Variants in GPHN observed in about 807,000 individuals in gnomAD.
The protein encoded by GPHN is gephyrin.
A neutral mutation model predicts 95.5 loss-of-function variants in GPHN; 17 were observed. The observed-to-expected ratio is 0.18, with a 90% confidence interval of 0.12 to 0.27. The LOEUF (loss-of-function observed/expected upper bound fraction) is 0.27, where lower values mean the gene tolerates loss of function less well. GPHN is among the 10% of genes least tolerant of loss of function. GPHN has a pLI of 1.00. For synonymous variants in GPHN, 320 were observed against 322.5 expected (o/e 0.99, Z 0.08); for missense variants, 660 against 978.1 (o/e 0.67, Z 4.34).
chr14:67,292,602 T>G, the GPHN span: 3 of 1,613,560 alleles, frequency 1.9e-6, no homozygotes, highest in African/African-American at 4.0e-5. Context: ...TTTTACAACT[T>G]GTTCAAAATA....
chr14:66,616,129 C>G (rs1261577777), intron 1 of GPHN, among the ~76,000 whole-genome samples: 3 of 151,254 alleles, frequency 2.0e-5, no homozygotes, highest in South Asian at 4.2e-4. Context: ...AGCTTGAACT[C>G]AAGTAGTATG....
chr14:67,063,431 A>G (rs1221211018), intron 11 of GPHN, among the ~76,000 whole-genome samples: 1 of 152,144 alleles, frequency 6.6e-6, no homozygotes, highest in Non-Finnish European at 1.5e-5. Context: ...TTTTGGTTCC[A>G]TGTGAGCTTT....
chr14:67,222,806 A>C, the GPHN span, among the ~76,000 whole-genome samples: 4 of 152,172 alleles, frequency 2.6e-5, no homozygotes, highest in Non-Finnish European at 5.9e-5. Flanking sequence ...AGTCATGCAC[A>C]TAAAAGAACA....
At chr14:66,546,036 T>C (rs539608997) in intron 1 of GPHN, among the ~76,000 whole-genome samples, 7 of 142,620 alleles carry the variant, frequency 4.9e-5, no homozygotes, top group Non-Finnish European at 9.1e-5. Context: ...GCAGAGACGC[T>C]CCTCACCTCC....
At position 66,658,443 on chromosome 14, in the gene GPHN, C is replaced by T. The variant is rs540241976; in HGVS notation, c.65-22664C>T. On this transcript the variant is annotated intron_variant, in intron 1 of 22. Coordinates refer to ENST00000478722, the MANE Select transcript of GPHN (RefSeq NM_020806.5). ...TGAAAAAAATTCTGTGAATAAAATG[C>T]TATTAAATAGCATTACATGGTACAG... 7.9e-5 allele frequency among the ~76,000 whole-genome samples: 12 copies of T among 152,156 alleles called. No individual in the cohort carries two copies. The East Asian group carries it at 2.3e-3, about 29-fold the overall frequency.
the GPHN span, chr14:67,581,797 C>T: frequency 2.5e-6 from 1 of 396,624 alleles, no homozygotes; most frequent in Admixed American, 4.0e-5. Context: ...ATCTATAACT[C>T]CAGGTACCAG....
chr14:67,707,640 G>C, the GPHN span, among the ~76,000 whole-genome samples: 1 of 152,136 alleles, frequency 6.6e-6, no homozygotes, highest in Non-Finnish European at 1.5e-5. Flanking sequence ...TGTTGGCCAG[G>C]CTGGTAAGAA....
the GPHN span, among the ~76,000 whole-genome samples, chr14:67,210,033 G>A: frequency 6.6e-6 from 1 of 152,224 alleles, no homozygotes; most frequent in African/African-American, 2.4e-5. Context: ...TTCATTAGGT[G>A]TCAACAACAC....
intron 1 of GPHN, among the ~76,000 whole-genome samples, chr14:66,533,920 T>G (rs2059035079): frequency 6.6e-6 from 1 of 152,214 alleles, no homozygotes; most frequent in Non-Finnish European, 1.5e-5. Context: ...AAGGATTATC[T>G]ATACTAACAC....
chr14:67,661,783 C>G, the GPHN span, among the ~76,000 whole-genome samples: 2 of 152,112 alleles, frequency 1.3e-5, no homozygotes, highest in Admixed American at 6.6e-5. Flanking sequence ...ATCCTCCCAC[C>G]TTGGCATCTC....
chr14:66,799,693 T>A (rs2060275800), intron 3 of GPHN, among the ~76,000 whole-genome samples: 1 of 151,988 alleles, frequency 6.6e-6, no homozygotes. Context: ...TTTCAGTCTA[T>A]GGTGTCTTTG....
At chr14:66,949,334 A>G (rs1371140729) in intron 8 of GPHN, among the ~76,000 whole-genome samples, 1 of 152,116 alleles carries the variant, frequency 6.6e-6, no homozygotes, top group Non-Finnish European at 1.5e-5. Context: ...TCCTGACCTC[A>G]TGATCTGCCT....
At chr14:66,574,684 G>A (rs74636882) in intron 1 of GPHN, among the ~76,000 whole-genome samples, 2,751 of 152,262 alleles carry the variant, frequency 0.018, 77 homozygotes, top group African/African-American at 0.062. Context: ...GAGAAGATTT[G>A]TTTGTGTGTC....
At chr14:66,583,679 A>C (rs561604935) in intron 1 of GPHN, among the ~76,000 whole-genome samples, 1 of 152,250 alleles carries the variant, frequency 6.6e-6, no homozygotes, top group African/African-American at 2.4e-5. Flanking sequence ...CAGGTTTGTC[A>C]AAGATCAGAT....
Position 66,714,599 on chromosome 14 carries a change from T to C in GPHN, c.143+33414T>C, listed in dbSNP as rs925263086. On this transcript the variant is annotated intron_variant, in intron 2 of 22. Coordinates refer to ENST00000478722, the MANE Select transcript of GPHN (RefSeq NM_020806.5). Reference sequence around the variant, plus strand: ...TTCAACTTTTCCCCATTCAGTGTTATGTCGGCTGTGGGTTTGTCATAGATG... The same window carrying C: ...TTCAACTTTTCCCCATTCAGTGTTACGTCGGCTGTGGGTTTGTCATAGATG... Among the ~76,000 whole-genome samples, 5 of 152,252 alleles carry C rather than the reference T, an allele frequency of 3.3e-5. No homozygotes were observed. The East Asian group carries it at 7.7e-4, about 23-fold the overall frequency.
At chr14:66,614,108 G>A (rs72726407) in intron 1 of GPHN, among the ~76,000 whole-genome samples, 8,828 of 152,192 alleles carry the variant, frequency 0.058, 358 homozygotes, top group Middle Eastern at 0.099. Context: ...GTTGGAGCTA[G>A]AATGCCTGTG....
intron 2 of GPHN, among the ~76,000 whole-genome samples, chr14:66,711,802 C>A (rs1212905289): frequency 1.3e-4 from 20 of 150,678 alleles, no homozygotes; most frequent in African/African-American, 4.1e-4. Flanking sequence ...TGTGTGTTCT[C>A]GTTGTTCAAT....
the GPHN span, among the ~76,000 whole-genome samples, chr14:67,427,258 C>G: frequency 5.3e-5 from 8 of 152,170 alleles, no homozygotes; most frequent in African/African-American, 1.4e-4. Context: ...TAAAATCATC[C>G]TGTTGTCGAC....
At chr14:66,779,932 G>A (rs983458842) in intron 3 of GPHN, among the ~76,000 whole-genome samples, 2 of 152,108 alleles carry the variant, frequency 1.3e-5, no homozygotes, top group East Asian at 3.9e-4. Flanking sequence ...CTAGATGGAA[G>A]GAGACCAGGT....
Sources: gnomAD v4.1 joint callset for allele counts (sites outside exome capture counted in the v4.1 genomes callset) on GRCh38, gnomAD v4.1.1 for gene constraint, MANE v1.5 for transcripts, NCBI Gene and HGNC (gene_info 2026-07-23, HGNC 2026-07-21) for gene names.